The following ATG7 variants were observed in gnomAD, a reference collection of about 807,000 sequenced individuals.
The protein encoded by ATG7 is autophagy related 7.
Under a neutral mutation model 82.4 loss-of-function variants are expected in ATG7, and 70 were observed. The ratio of observed to expected loss-of-function variants is 0.85; its 90% CI spans 0.70 to 1.04. The LOEUF is 1.04. ATG7 is among the 50% of genes least tolerant of loss of function. ATG7 has a pLI of 0.00. For synonymous variants in ATG7, 287 were observed against 313.0 expected, an observed-to-expected ratio of 0.92 and a Z score of 0.88; for missense variants, 792 against 864.3, an observed-to-expected ratio of 0.92 and a Z score of 1.05.
chr3:11,361,113 A>G (rs2606734), intron 16 of ATG7, among the ~76,000 whole-genome samples: 1 of 152,172 alleles, frequency 6.6e-6, no homozygotes, highest in Non-Finnish European at 1.5e-5. Context: ...ACAAATCAGG[A>G]GTCTAAAGAC....
intron 20 of ATG7, among the ~76,000 whole-genome samples, chr3:11,552,870 A>G (rs1163183467): frequency 6.6e-6 from 1 of 152,122 alleles, no homozygotes; most frequent in Non-Finnish European, 1.5e-5. Context: ...CCTCTTCCCC[A>G]TAGCTAAAAA....
At chr3:11,436,435 A>G (rs1258144822) in intron 20 of ATG7, among the ~76,000 whole-genome samples, 5 of 152,104 alleles carry the variant, frequency 3.3e-5, no homozygotes, top group African/African-American at 1.2e-4. Context: ...TAAACATAGA[A>G]TTACCATGTG....
intron 19 of ATG7, among the ~76,000 whole-genome samples, chr3:11,394,741 G>T (rs954026745): frequency 1.3e-5 from 2 of 152,188 alleles, no homozygotes; most frequent in Admixed American, 6.5e-5. Context: ...AAACCGTAAG[G>T]CTTCCTTGCA....
intron 20 of ATG7, among the ~76,000 whole-genome samples, chr3:11,493,280 G>A (rs890843445): frequency 3.3e-5 from 5 of 152,086 alleles, no homozygotes; most frequent in South Asian, 4.1e-4. Flanking sequence ...TTGCCATCCA[G>A]CCACCATCTC....
chr3:11,545,132 G>A (rs982873567), intron 20 of ATG7, among the ~76,000 whole-genome samples: 1 of 152,146 alleles, frequency 6.6e-6, no homozygotes, highest in African/African-American at 2.4e-5. Flanking sequence ...GCTGGAATCT[G>A]GTGGGCCAGA....
chr3:11,325,118 AG>A (rs1391889016), intron 9 of ATG7, among the ~76,000 whole-genome samples: 1 of 152,232 alleles, frequency 6.6e-6, no homozygotes, highest in Non-Finnish European at 1.5e-5. Flanking sequence ...TATACCAGGT[AG>A]CCCAGGTGTG....
chr3:11,517,579 C>T (rs956115083), intron 20 of ATG7, among the ~76,000 whole-genome samples: 3 of 152,124 alleles, frequency 2.0e-5, no homozygotes, highest in Non-Finnish European at 4.4e-5. Flanking sequence ...TCCTCTGTAT[C>T]CAGAAGAAGC....
chr3:11,318,789 C>T (rs1448723180), intron 9 of ATG7, among the ~76,000 whole-genome samples: 1 of 152,008 alleles, frequency 6.6e-6, no homozygotes, highest in African/African-American at 2.4e-5. Context: ...CAGCTTCCCC[C>T]ATCTCTCTGC....
intron 19 of ATG7, among the ~76,000 whole-genome samples, chr3:11,425,268 C>G (rs1248009401): frequency 6.6e-6 from 1 of 152,152 alleles, no homozygotes; most frequent in Non-Finnish European, 1.5e-5. Flanking sequence ...CTGGCCCAAA[C>G]AGTGTTTCAG....
At chr3:11,351,560 G>C (rs2075547830) in intron 14 of ATG7, among the ~76,000 whole-genome samples, 1 of 152,202 alleles carries the variant, frequency 6.6e-6, no homozygotes, top group South Asian at 2.1e-4. Flanking sequence ...GGGCCTGAGA[G>C]AGCAAGTCCA....
At chr3:11,343,832 T>G (rs1954057773) in intron 13 of ATG7, among the ~76,000 whole-genome samples, 1 of 152,218 alleles carries the variant, frequency 6.6e-6, no homozygotes, top group Non-Finnish European at 1.5e-5. Context: ...CTCATTGATC[T>G]ATTTTTTTAT....
chr3:11,490,591 A>T (rs1160750574), intron 20 of ATG7, among the ~76,000 whole-genome samples: 4 of 152,120 alleles, frequency 2.6e-5, no homozygotes, highest in East Asian at 1.9e-4. Flanking sequence ...ATTTGGCATG[A>T]TTTTGCAGTG....
chr3:11,552,034 C>T (rs2071850173), intron 20 of ATG7, among the ~76,000 whole-genome samples: 1 of 152,274 alleles, frequency 6.6e-6, no homozygotes, highest in South Asian at 2.1e-4. Context: ...CAGGCGTGCG[C>T]CACCACGCCC....
Position 11,544,182 on chromosome 3 carries a change from T to C in ATG7, c.2080-10629T>C, listed in dbSNP as rs143459085. Among the ~76,000 whole-genome samples, 142 of 152,306 alleles carry C rather than the reference T, an allele frequency of 9.3e-4. No individual in the cohort carries two copies. In the Middle Eastern group the frequency reaches 0.01, roughly 11 times the overall value. On this transcript the variant is annotated intron_variant, in intron 20 of 20. Coordinates refer to ENST00000693202, the MANE Select transcript of ATG7 (RefSeq NM_001349232.2). ...TCATTGTGAGAGTAGGCAGGGCTAATTCTGAGTTGCCCCAGGTCCCCATGC... is the reference window on the plus strand; with the variant it reads ...TCATTGTGAGAGTAGGCAGGGCTAACTCTGAGTTGCCCCAGGTCCCCATGC...
chr3:11,564,449 G>GC, the ATG7 span, among the ~76,000 whole-genome samples: 1 of 152,014 alleles, frequency 6.6e-6, no homozygotes, highest in Non-Finnish European at 1.5e-5. Flanking sequence ...AGAGAATCAG[G>GC]CCTGCCACAG....
chr3:11,303,536 C>G (rs2606760), intron 5 of ATG7, among the ~76,000 whole-genome samples: 121,129 of 151,620 alleles, frequency 0.8, 48,746 homozygotes, highest in East Asian at 0.93. Context: ...GGGCGTGGTG[C>G]CGGCGCCTGT....
chr3:11,539,892 T>C (rs2070683560), intron 20 of ATG7, among the ~76,000 whole-genome samples: 1 of 152,200 alleles, frequency 6.6e-6, no homozygotes, highest in Non-Finnish European at 1.5e-5. Context: ...CATCATTGCG[T>C]GTGTCAGCGC....
intron 20 of ATG7, among the ~76,000 whole-genome samples, chr3:11,469,002 T>C (rs924998354): frequency 6.6e-6 from 1 of 152,228 alleles, no homozygotes; most frequent in Non-Finnish European, 1.5e-5. Context: ...GGTTGTTGCA[T>C]GATGGCTCTC....
chr3:11,401,937 C>T (rs981272869), intron 19 of ATG7, among the ~76,000 whole-genome samples: 1 of 152,144 alleles, frequency 6.6e-6, no homozygotes. Context: ...AGCCTTGAAC[C>T]TTTTCTTAAA....
Sources: gnomAD v4.1 joint callset for allele counts (sites outside exome capture counted in the v4.1 genomes callset) on GRCh38, gnomAD v4.1.1 for gene constraint, MANE v1.5 for transcripts, NCBI Gene and HGNC (gene_info 2026-07-23, HGNC 2026-07-21) for gene names.